HAAO: variants seen among roughly 807,000 people sequenced by gnomAD.
The protein encoded by HAAO is 3-hydroxyanthranilate oxygenase.
In HAAO, 49 loss-of-function variants were observed where a neutral mutation model predicts 46.2. The ratio of observed to expected loss-of-function variants is 1.06; its 90% CI spans 0.84 to 1.34. The LOEUF (loss-of-function observed/expected upper bound fraction) is 1.34, where lower values mean the gene tolerates loss of function less well. Ranked by LOEUF, HAAO falls within the 40% of genes most tolerant of loss-of-function variation. The pLI is 0.00. For missense variants in HAAO, 408 were observed against 364.5 expected (o/e 1.12, Z -0.97); for synonymous variants, 157 against 145.2 (o/e 1.08, Z -0.58).
At chr2:42,769,898 C>T (rs760768577) in intron 6 of HAAO, 40 bp from the exon 7 acceptor site, 1 of 1,554,344 alleles carries the variant, frequency 6.4e-7, no homozygotes, top group Non-Finnish European at 8.7e-7. Context: ...TCCTCAGGAC[C>T]CAGCCCACCC....
intron 1 of HAAO, among the ~76,000 whole-genome samples, chr2:42,789,395 C>A (rs1340812558): frequency 6.6e-6 from 1 of 152,096 alleles, no homozygotes; most frequent in Non-Finnish European, 1.5e-5. Context: ...CATGGTGAAA[C>A]CCTGTCTCTA....
chr2:42,788,465 C>A, intron 2 of HAAO, 64 bp downstream of exon 2: 2 of 1,032,312 alleles, frequency 1.9e-6, no homozygotes, highest in Admixed American at 3.4e-5. Context: ...GGGAAGCGCC[C>A]CCTCCCGCTA....
rs1037438508 is a variant in HAAO at position 42,784,386 on chromosome 2, G to A, written c.160-519C>T. ...GGAGCCGCAGCTTGGATCCAAGGCC[G>A]TATGTGGCTCTGGAGCCACTGGCCA... On this transcript the variant is annotated intron_variant, in intron 2 of 9. Transcript: ENST00000294973. Among the ~76,000 whole-genome samples the A allele has an allele frequency of 2.0e-4, 30 of 152,116 alleles. 1 individual carries two copies. In the East Asian group the frequency reaches 2.7e-3, roughly 14 times the overall value.
chr2:42,776,402 C>T (rs1185233849), intron 4 of HAAO, among the ~76,000 whole-genome samples: 1 of 151,700 alleles, frequency 6.6e-6, no homozygotes, highest in Non-Finnish European at 1.5e-5. Context: ...CCACACCTGG[C>T]TAATTTTGCA....
intron 4 of HAAO, among the ~76,000 whole-genome samples, chr2:42,773,788 A>C (rs999072013): frequency 6.6e-6 from 1 of 152,050 alleles, no homozygotes; most frequent in Non-Finnish European, 1.5e-5. Flanking sequence ...GGGTTTCACC[A>C]TGTTAGCCAG....
intron 2 of HAAO, among the ~76,000 whole-genome samples, chr2:42,788,030 C>T (rs1223843720): frequency 2.6e-5 from 4 of 152,138 alleles, no homozygotes; most frequent in East Asian, 1.9e-4. Flanking sequence ...CTCCAGGCAC[C>T]TCCCTACCAT....
intron 4 of HAAO, among the ~76,000 whole-genome samples, chr2:42,780,703 CTT>C (rs535694507): frequency 3.3e-5 from 5 of 151,712 alleles, no homozygotes; most frequent in Non-Finnish European, 7.4e-5. Context: ...GTTGCTGATC[CTT>C]TGTTTTATTT....
rs760854380 is a variant in HAAO at position 42,792,459 on chromosome 2, G to A, written c.78C>T (p.Leu26=). The change falls in exon 1 of 10, where the codon CTC becomes CTT. Residue 26 remains leucine (L), a splice_region_variant and synonymous_variant. Transcript: ENST00000294973. ...GGCCATGGGGGTGCTGGACTCACAT[G>A]AGCTTGTTGCAGACCGGGGGCTGGA... The part of the protein sequence containing the change: ...GSFQPPVCNK[L]MHQEQLKVMF... The A allele has an allele frequency of 1.3e-6, 2 of 1,582,856 alleles. No homozygotes were observed. Among genetic ancestry groups the A allele is most frequent in the East Asian group, 2.4e-5 (1 of 41,094 alleles).
Position 42,782,436 on chromosome 2 carries a change from A to G in HAAO, c.350+878T>C, listed in dbSNP as rs375410604. On this transcript the variant is annotated intron_variant, in intron 4 of 9. Coordinates refer to ENST00000294973, the MANE Select transcript of HAAO (RefSeq NM_012205.3). ...AGCTTTCTAAAACTGAACTTCCCTA[A>G]TAACTTGGGATCTACCCGTCTAGGA... 3.3e-5 allele frequency among the ~76,000 whole-genome samples: 5 copies of G among 152,162 alleles called. No homozygotes were observed. The East Asian group carries it at 7.7e-4, about 23-fold the overall frequency.
intron 1 of HAAO, among the ~76,000 whole-genome samples, chr2:42,791,912 G>T (rs1356987661): frequency 1.8e-5 from 1 of 54,264 alleles, no homozygotes; most frequent in Non-Finnish European, 3.4e-5. Flanking sequence ...GGCCTAGGGA[G>T]GGTCTGGTGT....
At chr2:42,788,822 T>C (rs531205747) in intron 1 of HAAO, among the ~76,000 whole-genome samples, 1 of 152,354 alleles carries the variant, frequency 6.6e-6, no homozygotes, top group South Asian at 2.1e-4. Flanking sequence ...TGTGTCTGTC[T>C]GTCATTGTTT....
chr2:42,785,418 A>G (rs1013971731), intron 2 of HAAO, among the ~76,000 whole-genome samples: 2 of 152,200 alleles, frequency 1.3e-5, no homozygotes, highest in African/African-American at 2.4e-5. Flanking sequence ...TCAAAACTAT[A>G]CCCAGCAGGG....
chr2:42,785,525 A>C (rs1298556555), intron 2 of HAAO, among the ~76,000 whole-genome samples: 1 of 152,132 alleles, frequency 6.6e-6, no homozygotes, highest in Admixed American at 6.5e-5. Context: ...TTTTCTTTCT[A>C]TATTTCTCAT....
chr2:42,769,955 G>A, intron 6 of HAAO, 97 bp from the exon 7 acceptor site: 2 of 1,333,340 alleles, frequency 1.5e-6, no homozygotes, highest in South Asian at 2.7e-5. Flanking sequence ...TCAATTGCCA[G>A]AACAGGCTCT....
Position 42,783,155 on chromosome 2 carries a change from G to A in HAAO, c.350+159C>T, listed in dbSNP as rs962601937. ...TACCCCTCCACCATCAGCCAACAAA[G>A]ACAGGATCTCCACTGCCTCTGCTGT... is the stretch of plus-strand genomic sequence containing the variant. On this transcript the variant is annotated intron_variant, in intron 4 of 9. Transcript: ENST00000294973. 10 of 599,618 alleles carry A rather than the reference G, an allele frequency of 1.7e-5. No individual in the cohort carries two copies. In the African/African-American group the frequency reaches 1.9e-4, roughly 11 times the overall value. 37.1% of individuals were successfully genotyped at this position (599,618 alleles called of 1,614,324 possible).
chr2:42,782,662 C>CA (rs1378294461), intron 4 of HAAO: 1 of 166,094 alleles, frequency 6.0e-6, no homozygotes, highest in Non-Finnish European at 1.3e-5. Flanking sequence ...CCATTCGATG[C>CA]AAAGTTACCC....
Position 42,770,474 on chromosome 2 carries a change from G to A in HAAO, c.440+19C>T, listed in dbSNP as rs2241850. The A allele has an allele frequency of 0.38, 575,469 of 1,508,526 alleles. 113,004 individuals are homozygous for A. Among genetic ancestry groups the A allele is most frequent in the East Asian group, 0.65 (26,580 of 40,744 alleles). The allele number at this position is 1,508,526 out of a possible 1,614,324, so 93.4% of individuals were successfully genotyped here. On this transcript the variant is annotated intron_variant, in intron 5 of 9. Transcript: ENST00000294973. ...GAGCCCCAGGAAAGCAAGAGGCAGG[G>A]GCTGGGCTGGGGGCTCACTCCTGGA... is the stretch of plus-strand genomic sequence containing the variant.
intron 4 of HAAO, among the ~76,000 whole-genome samples, chr2:42,776,169 T>C (rs1026234210): frequency 9.9e-5 from 15 of 151,714 alleles, no homozygotes; most frequent in East Asian, 9.7e-4. Context: ...CTAAATAAAA[T>C]TGGTATCCTT....
intron 2 of HAAO, among the ~76,000 whole-genome samples, chr2:42,787,067 G>T (rs1309385032): frequency 1.3e-5 from 2 of 152,184 alleles, no homozygotes; most frequent in Non-Finnish European, 2.9e-5. Flanking sequence ...ACCAAGCCCT[G>T]TCACAAGCCC....
Sources: allele counts gnomAD v4.1 joint callset (sites outside exome capture counted in the v4.1 genomes callset), GRCh38; gene constraint gnomAD v4.1.1; transcripts MANE v1.5; gene names NCBI Gene and HGNC (gene_info 2026-07-23, HGNC 2026-07-21).